CHCHD3: variants seen among roughly 807,000 people sequenced by gnomAD.
The protein encoded by CHCHD3 is MICOS complex subunit MIC19.
Under a neutral mutation model 38.2 loss-of-function variants are expected in CHCHD3, and 20 were observed. The observed-to-expected ratio is 0.52, with a 90% CI of 0.37 to 0.76. CHCHD3 has a LOEUF of 0.76. Among genes scored for constraint, CHCHD3 ranks in the 30% least tolerant of loss-of-function variants. The pLI, the probability that CHCHD3 is intolerant of heterozygous loss-of-function variation, is 0.00. For missense variants in CHCHD3, 245 were observed against 279.2 expected (o/e 0.88, Z 0.87); for synonymous variants, 82 against 100.0 (o/e 0.82, Z 1.07).
intron 6 of CHCHD3, among the ~76,000 whole-genome samples, chr7:132,812,940 CCTTTATATCAG>C (rs1807108569): frequency 2.0e-5 from 3 of 152,206 alleles, no homozygotes; most frequent in Non-Finnish European, 4.4e-5. Flanking sequence ...ACTATTTTAG[CCTTTATATCAG>C]CTTTAAGAGG....
At chr7:132,819,875 C>T (rs1017999037) in intron 6 of CHCHD3, among the ~76,000 whole-genome samples, 1 of 152,142 alleles carries the variant, frequency 6.6e-6, no homozygotes, top group Non-Finnish European at 1.5e-5. Flanking sequence ...AGCGTGAGTG[C>T]GGAAGGCCTT....
intron 1 of CHCHD3, among the ~76,000 whole-genome samples, chr7:133,078,095 G>A (rs1815056931): frequency 6.6e-6 from 1 of 152,132 alleles, no homozygotes; most frequent in South Asian, 2.1e-4. Flanking sequence ...ATCACTTGAG[G>A]TCAGGAGTTT....
At chr7:132,996,690 G>A (rs1275702472) in intron 3 of CHCHD3, among the ~76,000 whole-genome samples, 1 of 152,126 alleles carries the variant, frequency 6.6e-6, no homozygotes, top group Non-Finnish European at 1.5e-5. Flanking sequence ...AAGCCCTGTC[G>A]CTAATCAGCA....
At chr7:132,802,814 C>T (rs1322120894) in intron 6 of CHCHD3, among the ~76,000 whole-genome samples, 1 of 152,088 alleles carries the variant, frequency 6.6e-6, no homozygotes, top group Admixed American at 6.5e-5. Context: ...TTCCAGATCA[C>T]ATATAATTTA....
intron 2 of CHCHD3, chr7:133,036,089 A>C (rs1467702319): frequency 1.5e-6 from 1 of 668,864 alleles, no homozygotes; most frequent in African/African-American, 1.8e-5. Flanking sequence ...TAGGCAATTG[A>C]GATTTCCTTT....
chr7:133,047,982 G>A (rs147378684), intron 2 of CHCHD3, among the ~76,000 whole-genome samples: 13 of 152,238 alleles, frequency 8.5e-5, no homozygotes, highest in South Asian at 8.3e-4. Context: ...CAAGCTACTC[G>A]GGAGGCTGAG....
At chr7:132,820,086 G>C (rs190123068) in intron 6 of CHCHD3, among the ~76,000 whole-genome samples, 283 of 152,102 alleles carry the variant, frequency 1.9e-3, no homozygotes, top group Non-Finnish European at 3.0e-3. Flanking sequence ...TTAATCATTT[G>C]GATCAGATTG....
chr7:133,013,954 G>A (rs1170965649), intron 3 of CHCHD3, among the ~76,000 whole-genome samples: 1 of 152,020 alleles, frequency 6.6e-6, no homozygotes, highest in Non-Finnish European at 1.5e-5. Context: ...AACCTACCTG[G>A]TTCGGTAGAA....
intron 4 of CHCHD3, among the ~76,000 whole-genome samples, chr7:132,904,767 T>C (rs1248890886): frequency 6.6e-6 from 1 of 152,162 alleles, no homozygotes; most frequent in Non-Finnish European, 1.5e-5. Flanking sequence ...TTATAAATCA[T>C]CCTACTATAA....
intron 3 of CHCHD3, among the ~76,000 whole-genome samples, chr7:133,010,883 T>C (rs1268990261): frequency 1.3e-5 from 2 of 152,050 alleles, no homozygotes; most frequent in South Asian, 2.1e-4. Flanking sequence ...TAAACTTTTA[T>C]ATTCCAGTGC....
chr7:133,022,924 CA>C (rs11313866), intron 3 of CHCHD3, among the ~76,000 whole-genome samples: 47,042 of 108,220 alleles, frequency 0.43, 8,198 homozygotes, highest in Admixed American at 0.48. Flanking sequence ...AAGGGAAGAC[CA>C]AAAAAAAAAA....
chr7:132,929,522 C>T (rs1810467427), intron 4 of CHCHD3, among the ~76,000 whole-genome samples: 2 of 152,182 alleles, frequency 1.3e-5, no homozygotes, highest in Non-Finnish European at 2.9e-5. Context: ...GAGAAGGATT[C>T]CCATAACTCT....
chr7:132,887,452 AAAG>A (rs1295155837), intron 4 of CHCHD3, among the ~76,000 whole-genome samples: 1 of 151,742 alleles, frequency 6.6e-6, no homozygotes, highest in Non-Finnish European at 1.5e-5. Flanking sequence ...AGAAAATGAA[AAAG>A]AATAGACTCA....
At chr7:133,041,970 G>C (rs1197876243) in intron 2 of CHCHD3, among the ~76,000 whole-genome samples, 2 of 152,180 alleles carry the variant, frequency 1.3e-5, no homozygotes, top group Non-Finnish European at 2.9e-5. Flanking sequence ...AAAGCAGTCT[G>C]CCTGGGCATA....
chr7:133,003,199 C>T (rs1812615322), intron 3 of CHCHD3, among the ~76,000 whole-genome samples: 2 of 151,850 alleles, frequency 1.3e-5, no homozygotes, highest in Admixed American at 6.6e-5. Context: ...ATGTGAAACA[C>T]GACTTGCAGA....
chr7:132,863,661 G>A (rs956869067), intron 5 of CHCHD3, among the ~76,000 whole-genome samples: 2 of 152,342 alleles, frequency 1.3e-5, no homozygotes, highest in South Asian at 4.1e-4. Flanking sequence ...CCGATAGAAG[G>A]CTGTTTCACC....
intron 3 of CHCHD3, among the ~76,000 whole-genome samples, chr7:133,006,675 A>C (rs1812708930): frequency 6.6e-6 from 1 of 152,088 alleles, no homozygotes; most frequent in Non-Finnish European, 1.5e-5. Context: ...GGGCAATTTG[A>C]CAATAATAAT....
chr7:132,893,738 G>A (rs759301937), intron 4 of CHCHD3, among the ~76,000 whole-genome samples: 8 of 152,150 alleles, frequency 5.3e-5, no homozygotes, highest in Non-Finnish European at 1.2e-4. Flanking sequence ...GCTCTCATGA[G>A]ATCTGATGGT....
intron 4 of CHCHD3, among the ~76,000 whole-genome samples, chr7:132,944,777 G>A (rs990605154): frequency 3.3e-5 from 5 of 151,876 alleles, no homozygotes; most frequent in African/African-American, 9.7e-5. Context: ...GATGTTTTAC[G>A]TTTTCAAATC....
Sources: allele counts gnomAD v4.1 joint callset (sites outside exome capture counted in the v4.1 genomes callset), GRCh38; gene constraint gnomAD v4.1.1; transcripts MANE v1.5; gene names NCBI Gene and HGNC (gene_info 2026-07-23, HGNC 2026-07-21).